The following ZNF385C variants were observed in gnomAD, a reference collection of about 807,000 sequenced individuals.
ZNF385C encodes zinc finger protein 385C.
A neutral mutation model predicts 35.4 loss-of-function variants in ZNF385C; 28 were observed. The observed-to-expected ratio is 0.79, with a 90% CI of 0.59 to 1.08. The LOEUF (loss-of-function observed/expected upper bound fraction) is 1.08. ZNF385C is among the 50% of genes least tolerant of loss of function. The pLI, the probability that ZNF385C is intolerant of heterozygous loss-of-function variation, is 0.00. For missense variants in ZNF385C, 605 were observed against 595.6 expected (o/e 1.02, Z -0.16); for synonymous variants, 248 against 248.2 (o/e 1.00, Z 0.01).
chr17:42,030,494 C>G (rs1219735420), intron 5 of ZNF385C, among the ~76,000 whole-genome samples: 2 of 151,856 alleles, frequency 1.3e-5, no homozygotes, highest in Non-Finnish European at 1.5e-5. Context: ...TCTCAAAAAA[C>G]AAACAAACAA....
chr17:42,091,165 A>T (rs2143954184), intron 1 of ZNF385C, among the ~76,000 whole-genome samples: 1 of 152,194 alleles, frequency 6.6e-6, no homozygotes, highest in Non-Finnish European at 1.5e-5. Flanking sequence ...TGGTGGCATT[A>T]CAGGCATGAG....
intron 2 of ZNF385C, among the ~76,000 whole-genome samples, chr17:42,048,859 G>A (rs1555656862): frequency 1.3e-5 from 2 of 151,860 alleles, no homozygotes; most frequent in African/African-American, 4.8e-5. Flanking sequence ...AACCAGAGGG[G>A]GGCTTTTAAA....
chr17:42,027,028 G>A lies in ZNF385C; in HGVS notation c.1381C>T (p.Leu461=). ...GCTGTAGGGGCAGGGCGGAGGGCCA[G>A]GGGCCCTGGCAGAGCACAGATGGCA... is the stretch of plus-strand genomic sequence containing the variant. ...ATAICALPGP[L]ALRPAPTAAT... Residue 461 remains leucine (L), a synonymous_variant, in exon 9 of 9, where the codon CTG becomes TTG. Coordinates refer to ENST00000692273, the MANE Select transcript of ZNF385C (RefSeq NM_001392013.1). The A allele has an allele frequency of 1.9e-6, 3 of 1,607,848 alleles. No homozygotes were observed. The highest frequency in any genetic ancestry group is 2.5e-6 in the Non-Finnish European group (3 of 1,176,950).
At chr17:42,038,286 G>A (rs1162171084) in intron 2 of ZNF385C, 1 of 540,552 alleles carries the variant, frequency 1.8e-6, no homozygotes, top group African/African-American at 1.9e-5. Flanking sequence ...AGGGGTATTA[G>A]GAAAAGGCTA....
intron 2 of ZNF385C, among the ~76,000 whole-genome samples, chr17:42,052,151 T>C (rs1287786766): frequency 4.0e-5 from 6 of 151,840 alleles, no homozygotes; most frequent in Non-Finnish European, 4.4e-5. Context: ...GAGGGTGGGG[T>C]GTGGTCAGAG....
intron 4 of ZNF385C, 99 bp from the exon 5 acceptor site, chr17:42,031,883 G>A: frequency 1.4e-6 from 2 of 1,382,090 alleles, no homozygotes; most frequent in Non-Finnish European, 2.0e-6. Context: ...AAGGGAGGCA[G>A]GGCTCAGGTC....
intron 1 of ZNF385C, among the ~76,000 whole-genome samples, chr17:42,068,019 T>A (rs954683640): frequency 2.6e-5 from 4 of 152,194 alleles, no homozygotes; most frequent in Non-Finnish European, 2.9e-5. Context: ...CGGGGCCGCC[T>A]GGATTCTGGG....
Position 42,031,777 on chromosome 17 carries a change from G to T in ZNF385C, c.518C>A (p.Ala173Asp). ...CHLRFNSANQ[A>D]EAHYKGHKHA... The stretch of plus-strand genomic sequence containing the variant: ...TTTGTGGCCTTTATAATGTGCCTCG[G>T]CCTGGTTCTGGGGAGGGGAGGGCAA... Residue 173 changes from alanine (A) to aspartate (D), a missense_variant, in exon 5 of 9, where the codon GCC (alanine) becomes GAC (aspartate). By Grantham distance (126) the Ala-to-Asp change is moderately radical (BLOSUM62 -2). Transcript: ENST00000692273. 1 of 1,550,798 alleles carries T rather than the reference G, an allele frequency of 6.4e-7. No homozygotes were observed. The highest frequency in any genetic ancestry group is 1.2e-5 in the South Asian group (1 of 84,050).
chr17:42,088,011 T>C (rs1174267063), intron 1 of ZNF385C, among the ~76,000 whole-genome samples: 1 of 152,242 alleles, frequency 6.6e-6, no homozygotes, highest in Non-Finnish European at 1.5e-5. Context: ...GACTTCTAAA[T>C]AAAACTAACT....
rs782283735 is a variant in ZNF385C at position 42,062,842 on chromosome 17, C to T, written c.215G>A (p.Arg72Gln). 6.4e-6 allele frequency: 4 copies of T among 622,694 alleles called. No individual in the cohort carries two copies. Among genetic ancestry groups the T allele is most frequent in the East Asian group, 5.7e-5 (2 of 34,888 alleles). 38.6% of individuals were successfully genotyped at this position (622,694 alleles called of 1,614,324 possible). ...CGGRAHQRRL[R>Q]QLSLGKSPSG... ...GGGGCTCTTCCCCAAGCTGAGCTGC[C>T]GAAGCCGCCTCTGGTGGGCCCGCCC... The change falls in exon 2 of 9, where the codon CGG (arginine) becomes CAG (glutamine). Residue 72 changes from arginine to glutamine, a missense_variant. Transcript: ENST00000692273.
intron 2 of ZNF385C, among the ~76,000 whole-genome samples, chr17:42,056,691 A>C (rs1310579363): frequency 6.6e-6 from 1 of 152,138 alleles, no homozygotes; most frequent in African/African-American, 2.4e-5. Context: ...GATGACTATC[A>C]TGGGGGCAGT....
intron 7 of ZNF385C, 44 bp downstream of exon 7, chr17:42,028,006 C>G (rs782588763): frequency 6.3e-7 from 1 of 1,596,388 alleles, no homozygotes; most frequent in African/African-American, 1.3e-5. Flanking sequence ...CCCCCCAACC[C>G]CCTCCCCTGG....
intron 1 of ZNF385C, among the ~76,000 whole-genome samples, chr17:42,079,203 A>ATATAT (rs1555659528): frequency 8.8e-6 from 1 of 113,824 alleles, no homozygotes; most frequent in African/African-American, 4.0e-5. Flanking sequence ...AAAAAAAAAA[A>ATATAT]ATATATATAT....
chr17:42,027,057 G>T lies in ZNF385C; in HGVS notation c.1352C>A (p.Ala451Asp). The change falls in exon 9 of 9, where the codon GCC becomes GAC. Residue 451 changes from alanine to aspartate, a missense_variant. By Grantham distance (126) the Ala-to-Asp change is moderately radical. Transcript: ENST00000692273. ...RFLPSPLPTA[A>D]TAICALPGPL... Reference sequence around the variant, plus strand: ...CCCTGGCAGAGCACAGATGGCAGTGGCTGCGGTGGGGAGCGGGCTGGGCAG... The same window carrying T: ...CCCTGGCAGAGCACAGATGGCAGTGTCTGCGGTGGGGAGCGGGCTGGGCAG... 1 of 1,609,750 alleles carries T rather than the reference G, an allele frequency of 6.2e-7. No homozygotes were observed. The highest frequency in any genetic ancestry group is 8.5e-7 in the Non-Finnish European group (1 of 1,177,966).
chr17:42,073,809 AAAG>A (rs1362812231), intron 1 of ZNF385C, among the ~76,000 whole-genome samples: 2 of 152,220 alleles, frequency 1.3e-5, no homozygotes, highest in Admixed American at 6.5e-5. Flanking sequence ...TCTTGCAGCC[AAAG>A]AAGAAGTGGC....
intron 5 of ZNF385C, among the ~76,000 whole-genome samples, chr17:42,030,096 A>G (rs782745049): frequency 6.6e-6 from 1 of 152,156 alleles, no homozygotes; most frequent in Non-Finnish European, 1.5e-5. Context: ...GTGGAGTACT[A>G]CACAGCAATG....
At chr17:42,067,808 C>G (rs776703555) in intron 1 of ZNF385C, among the ~76,000 whole-genome samples, 13 of 152,080 alleles carry the variant, frequency 8.5e-5, no homozygotes, top group Non-Finnish European at 1.6e-4. Flanking sequence ...GGGAGAGGTC[C>G]CATTCCCCGG....
intron 2 of ZNF385C, among the ~76,000 whole-genome samples, chr17:42,051,700 G>T (rs888034245): frequency 3.9e-5 from 6 of 152,124 alleles, no homozygotes; most frequent in African/African-American, 7.2e-5. Context: ...AAGTCACCCA[G>T]AAATGCCTTC....
intron 3 of ZNF385C, among the ~76,000 whole-genome samples, chr17:42,037,020 T>C (rs113474697): frequency 9.5e-4 from 145 of 152,248 alleles, no homozygotes; most frequent in African/African-American, 3.4e-3. Context: ...TGCACACGTG[T>C]ACAAGGAAAT....
Sources: allele counts gnomAD v4.1 joint callset (sites outside exome capture counted in the v4.1 genomes callset), GRCh38; gene constraint gnomAD v4.1.1; transcripts MANE v1.5; gene names NCBI Gene and HGNC (gene_info 2026-07-23, HGNC 2026-07-21).